Variants in ATG4B observed in about 807,000 individuals in gnomAD.
ATG4B encodes cysteine protease ATG4B.
Under a neutral mutation model 56.6 loss-of-function variants are expected in ATG4B, and 29 were observed. The observed-to-expected ratio is 0.51, with a 90% confidence interval of 0.38 to 0.70. The LOEUF (loss-of-function observed/expected upper bound fraction) is 0.70, where lower values mean the gene tolerates loss of function less well. Ranked by LOEUF, ATG4B falls within the 30% of genes least tolerant of loss-of-function variation. The pLI is 0.00. For synonymous variants in ATG4B, 224 were observed against 206.1 expected (o/e 1.09, Z -0.74); for missense variants, 461 against 515.5 (o/e 0.89, Z 1.02).
chr2:241,651,307 T>A lies in ATG4B; in HGVS notation c.156T>A (p.Phe52Leu). The part of the protein sequence containing the change: ...ILSDVASRLW[F>L]TYRKNFPAIG... ...CTGATGTGGCATCTAGACTTTGGTT[T>A]ACATACAGGAAAAACTTTCCAGCCA... The change falls in exon 3 of 13, where the codon TTT (phenylalanine) becomes TTA (leucine). Residue 52 changes from phenylalanine (F) to leucine (L), a missense_variant. Physicochemically the swap from Phe to Leu is conservative, Grantham distance 22. Transcript: ENST00000404914. The surrounding 1 kb of genome is among the most constrained non-coding windows in gnomAD (Gnocchi z 4.1). 1 of 1,602,518 alleles carries A rather than the reference T, an allele frequency of 6.2e-7. No homozygotes were observed. Among genetic ancestry groups the A allele is most frequent in the Non-Finnish European group, 8.5e-7 (1 of 1,174,056 alleles).
At chr2:241,670,432 T>G in intron 10 of ATG4B, 1 of 475,348 alleles carries the variant, frequency 2.1e-6, no homozygotes, top group East Asian at 3.9e-5. Flanking sequence ...CCTGCCCCAA[T>G]CCCGGAACAC....
chr2:241,664,292 G>A (rs2068691134), intron 7 of ATG4B, among the ~76,000 whole-genome samples: 1 of 152,178 alleles, frequency 6.6e-6, no homozygotes, highest in Non-Finnish European at 1.5e-5. Flanking sequence ...ACTTTGGGAG[G>A]TGGAGGCAGG....
At chr2:241,663,247 A>G (rs149519505) in intron 7 of ATG4B, among the ~76,000 whole-genome samples, 258 of 152,310 alleles carry the variant, frequency 1.7e-3, no homozygotes, top group Non-Finnish European at 2.9e-3. Context: ...AACCAAAACA[A>G]CAAAAAATAA....
chr2:241,654,873 G>C, intron 5 of ATG4B: 1 of 583,222 alleles, frequency 1.7e-6, no homozygotes, highest in Non-Finnish European at 3.0e-6. Flanking sequence ...TGCCCTTCCT[G>C]CTGTCCATGC....
intron 6 of ATG4B, among the ~76,000 whole-genome samples, chr2:241,656,803 A>C (rs2068418303): frequency 6.6e-6 from 1 of 152,168 alleles, no homozygotes; most frequent in South Asian, 2.1e-4. Context: ...TCAAACCAAA[A>C]TCTGGGATTG....
At chr2:241,665,224 C>T (rs1434153796) in intron 7 of ATG4B, among the ~76,000 whole-genome samples, 1 of 152,178 alleles carries the variant, frequency 6.6e-6, no homozygotes, top group Non-Finnish European at 1.5e-5. Flanking sequence ...GGCCACAAAC[C>T]CTCCACCTAG....
At chr2:241,661,780 C>T (rs903892476) in intron 7 of ATG4B, among the ~76,000 whole-genome samples, 1 of 152,146 alleles carries the variant, frequency 6.6e-6, no homozygotes, top group South Asian at 2.1e-4. Flanking sequence ...CTTCTGTCCA[C>T]CCCCAGTCAA....
chr2:241,650,956 A>C, intron 1 of ATG4B, 54 bp from the exon 2 acceptor site: 1 of 1,442,556 alleles, frequency 6.9e-7, no homozygotes, highest in Non-Finnish European at 9.6e-7. Flanking sequence ...CTCTTTCGAT[A>C]CTAGTTTATG....
At chr2:241,647,660 G>A (rs1461529629) in intron 1 of ATG4B, among the ~76,000 whole-genome samples, 3 of 151,436 alleles carry the variant, frequency 2.0e-5, no homozygotes, top group Admixed American at 1.3e-4. Context: ...AAATTAGACC[G>A]GTGGTGTTTT....
intron 7 of ATG4B, among the ~76,000 whole-genome samples, chr2:241,661,251 T>C (rs575403502): frequency 2.0e-5 from 3 of 152,286 alleles, no homozygotes; most frequent in Admixed American, 2.0e-4. Flanking sequence ...CAGGAGCATG[T>C]GGAAGGTGCC....
intron 12 of ATG4B, 194 bp downstream of exon 12, chr2:241,671,599 G>A (rs1404963887): frequency 6.6e-7 from 1 of 1,507,322 alleles, no homozygotes; most frequent in Admixed American, 2.0e-5. Context: ...CAGCAGCCCA[G>A]GACCCACCTC....
chr2:241,642,154 C>G (rs1393537380), intron 1 of ATG4B, among the ~76,000 whole-genome samples: 1 of 151,060 alleles, frequency 6.6e-6, no homozygotes, highest in African/African-American at 2.4e-5. Flanking sequence ...AATGCAGAGG[C>G]TGCTGGGGAG....
intron 7 of ATG4B, among the ~76,000 whole-genome samples, chr2:241,661,654 G>A (rs1239926491): frequency 2.0e-5 from 3 of 152,196 alleles, no homozygotes; most frequent in Non-Finnish European, 2.9e-5. Context: ...TTCCTGCAGC[G>A]AAAGAGCTGC....
At chr2:241,656,749 G>T (rs1034788447) in intron 6 of ATG4B, among the ~76,000 whole-genome samples, 1 of 151,818 alleles carries the variant, frequency 6.6e-6, no homozygotes, top group Admixed American at 6.6e-5. Context: ...GCCAGAGCCC[G>T]TGCTGGCCCC....
In ATG4B at chr2:241,672,298, C is replaced by T; in HGVS notation, c.*34C>T. ...GGGTCGGGGGTGGCACCTGTGAGAG[C>T]CTGGGGCTCCTGGTGCCGCTGCGTT... On this transcript the variant is annotated 3_prime_UTR_variant, in exon 13 of 13. Transcript: ENST00000404914. The T allele has an allele frequency of 6.6e-7, 1 of 1,516,284 alleles. No individual in the cohort carries two copies. The highest frequency in any genetic ancestry group is 1.2e-5 in the South Asian group (1 of 83,532). The allele number at this position is 1,516,284 out of a possible 1,614,324, so 93.9% of individuals were successfully genotyped here.
At chr2:241,639,114 C>T (rs1180690965) in intron 1 of ATG4B, among the ~76,000 whole-genome samples, 3 of 152,150 alleles carry the variant, frequency 2.0e-5, no homozygotes, top group Non-Finnish European at 4.4e-5. Flanking sequence ...CAGCCCCTGG[C>T]GGGAGTGGGT....
At chr2:241,639,403 T>C (rs1049207617) in intron 1 of ATG4B, among the ~76,000 whole-genome samples, 2 of 152,198 alleles carry the variant, frequency 1.3e-5, no homozygotes, top group African/African-American at 4.8e-5. Context: ...TGGGGCTGGC[T>C]CCGTCCCCGC....
At chr2:241,649,012 A>G (rs2068148943) in intron 1 of ATG4B, among the ~76,000 whole-genome samples, 1 of 152,196 alleles carries the variant, frequency 6.6e-6, no homozygotes, top group South Asian at 2.1e-4. Context: ...GAAGTGTTTC[A>G]TTGAAACGTC....
chr2:241,672,553 C>T lies in ATG4B; in HGVS notation c.*289C>T. 2.2e-6 allele frequency: 1 copy of T among 455,032 alleles called. No homozygotes were observed. The highest frequency in any genetic ancestry group is 2.9e-5 in the South Asian group (1 of 34,684). The allele number at this position is 455,032 out of a possible 1,614,324, so 28.2% of individuals were successfully genotyped here. A position where few individuals can be genotyped will look rare whatever the true frequency, so the allele number is the denominator to read the frequency against. On this transcript the variant is annotated 3_prime_UTR_variant, in exon 13 of 13. Coordinates refer to ENST00000404914, the MANE Select transcript of ATG4B (RefSeq NM_013325.5). Reference sequence around the variant, plus strand: ...GACACTGCCAGCCCCGTGTTAGCACCTGGGCCTCAGTCCCACTTGCTCCCA... The same window carrying T: ...GACACTGCCAGCCCCGTGTTAGCACTTGGGCCTCAGTCCCACTTGCTCCCA...
Sources: allele counts gnomAD v4.1 joint callset (sites outside exome capture counted in the v4.1 genomes callset), GRCh38; gene constraint gnomAD v4.1.1; non-coding constraint Gnocchi (gnomAD v3.1); transcripts MANE v1.5; gene names NCBI Gene and HGNC (gene_info 2026-07-23, HGNC 2026-07-21).